SMARCB1: variants seen among roughly 807,000 people sequenced by gnomAD.
SMARCB1 encodes the protein SWI/SNF related BAF chromatin remodeling complex subunit B1.
In SMARCB1, 5 loss-of-function variants were observed where a neutral mutation model predicts 49.0. The ratio of observed to expected loss-of-function variants is 0.10; its 90% CI spans 0.05 to 0.21. The LOEUF (loss-of-function observed/expected upper bound fraction) is 0.21. SMARCB1 is among the 10% of genes least tolerant of loss of function. The pLI, the probability that SMARCB1 is intolerant of heterozygous loss-of-function variation, is 1.00. For missense variants in SMARCB1, 226 were observed against 509.2 expected, an observed-to-expected ratio of 0.44 and a Z score of 5.35; for synonymous variants, 201 against 200.1, an observed-to-expected ratio of 1.00 and a Z score of -0.04.
In SMARCB1 at chr22:23,813,145, G is replaced by A. The variant is rs35609719; in HGVS notation, c.629-3625G>A. 8.0e-4 allele frequency among the ~76,000 whole-genome samples: 122 copies of A among 152,284 alleles called. 3 individuals are homozygous for A. The East Asian group carries it at 0.021, about 26-fold the overall frequency. On this transcript the variant is annotated intron_variant, in intron 5 of 8. Transcript: ENST00000644036. Reference sequence around the variant, plus strand: ...CTCCCAAAGTGCTGGGATTACAGGCGTGAGCCACAGAGCCTGGCCTTCTGT... The same window carrying A: ...CTCCCAAAGTGCTGGGATTACAGGCATGAGCCACAGAGCCTGGCCTTCTGT...
intron 4 of SMARCB1, chr22:23,803,039 GTGT>G (rs1929264388): frequency 3.5e-6 from 2 of 572,866 alleles, no homozygotes; most frequent in East Asian, 3.0e-5. Flanking sequence ...GGATGTCTGG[GTGT>G]TGTTCCAACA....
chr22:23,821,612 A>G (rs958546010), intron 6 of SMARCB1, among the ~76,000 whole-genome samples: 2 of 151,978 alleles, frequency 1.3e-5, no homozygotes, highest in African/African-American at 4.8e-5. Context: ...GACTTTGGAG[A>G]GCTGAGGTGG....
chr22:23,837,848 C>A lies in SMARCB1; in HGVS notation c.*3668C>A. The A allele has an allele frequency of 6.2e-7, 1 of 1,611,214 alleles. No individual in the cohort carries two copies. Reference sequence around the variant, plus strand: ...AGGAAGAACAGGCTGCCCAGGAGTCCCAGCAGCTGGGCCAGAGTCAAGGTG... The same window carrying A: ...AGGAAGAACAGGCTGCCCAGGAGTCACAGCAGCTGGGCCAGAGTCAAGGTG... On this transcript the variant is annotated 3_prime_UTR_variant, in exon 9 of 9. Transcript: ENST00000644036.
Position 23,836,530 on chromosome 22 carries a change from CACCTGTGAGCTCAAAAGCTCTGCCTGGCA to C in SMARCB1, c.*2366_*2394del, listed in dbSNP as rs879842005. The C allele has an allele frequency of 8.6e-6, 9 of 1,044,568 alleles. No individual in the cohort carries two copies. In the African/African-American group the frequency reaches 1.0e-4, roughly 12 times the overall value. 64.7% of individuals were successfully genotyped at this position (1,044,568 alleles called of 1,614,324 possible). ...GCCAGGATGAGAACCCTGAGCCTGTCACCTGTGAGCTCAAAAGCTCTGCCTGGCAACCTGTGAGCTCAAAGCTCTGCCAG... is the reference window on the plus strand; with the variant it reads ...GCCAGGATGAGAACCCTGAGCCTGTCACCTGTGAGCTCAAAGCTCTGCCAG... On this transcript the variant is annotated 3_prime_UTR_variant, in exon 9 of 9. Coordinates refer to ENST00000644036, the MANE Select transcript of SMARCB1 (RefSeq NM_003073.5).
Position 23,835,864 on chromosome 22 carries a change from TC to T in SMARCB1, c.*1685del, listed in dbSNP as rs200643222. 111,362 of 973,396 alleles carry T rather than the reference TC, an allele frequency of 0.11. 6,363 individuals carry two copies. The highest frequency in any genetic ancestry group is 0.2 in the South Asian group (3,688 of 18,098). The allele number at this position is 973,396 out of a possible 1,614,324, so 60.3% of individuals were successfully genotyped here. A position where few individuals can be genotyped will look rare whatever the true frequency, so the allele number is the denominator to read the frequency against. On this transcript the variant is annotated 3_prime_UTR_variant, in exon 9 of 9. Coordinates refer to ENST00000644036, the MANE Select transcript of SMARCB1 (RefSeq NM_003073.5). ...GGGAGGTGCCGGGAAGGCTGGGCCC[TC>T]ACTCCTGACCGCCAGCTCACACCGC...
At chr22:23,803,753 G>C in intron 5 of SMARCB1, 1 of 407,258 alleles carries the variant, frequency 2.5e-6, no homozygotes, top group South Asian at 2.1e-5. Flanking sequence ...GCACACACCT[G>C]CCTTGGGTCC....
Position 23,837,613 on chromosome 22 carries a change from G to C in SMARCB1, c.*3433G>C. 1 of 1,585,438 alleles carries C rather than the reference G, an allele frequency of 6.3e-7. No homozygotes were observed. The highest frequency in any genetic ancestry group is 8.6e-7 in the Non-Finnish European group (1 of 1,161,988). Reference sequence around the variant, plus strand: ...CCAGGGCATAAGCAGCGTGTCCTGAGGGGAGTGGCCAGCCTGGGGCGGACT... The same window carrying C: ...CCAGGGCATAAGCAGCGTGTCCTGACGGGAGTGGCCAGCCTGGGGCGGACT... On this transcript the variant is annotated 3_prime_UTR_variant, in exon 9 of 9. Transcript: ENST00000644036.
At position 23,836,990 on chromosome 22, in the gene SMARCB1, AGGCCAGCACAGGTCCCCAT is replaced by A; in HGVS notation, c.*2811_*2829del. 1.9e-6 allele frequency: 3 copies of A among 1,600,612 alleles called. No individual in the cohort carries two copies. Among genetic ancestry groups the A allele is most frequent in the Non-Finnish European group, 2.6e-6 (3 of 1,173,214 alleles). ...GTGGGGAGGGGCCCGTGTTGAGCAC[AGGCCAGCACAGGTCCCCAT>A]CGGTGGGGATCCTTCTGAGGGTGGG... On this transcript the variant is annotated 3_prime_UTR_variant, in exon 9 of 9. Coordinates refer to ENST00000644036, the MANE Select transcript of SMARCB1 (RefSeq NM_003073.5).
intron 6 of SMARCB1, among the ~76,000 whole-genome samples, chr22:23,820,102 A>G (rs116400840): frequency 0.12 from 18,826 of 151,850 alleles, 1,257 homozygotes; most frequent in South Asian, 0.27. Flanking sequence ...AGGATTATAG[A>G]CGTGAGCCAC....
chr22:23,787,081 G>T lies in SMARCB1; in HGVS notation c.-89G>T. On this transcript the variant is annotated 5_prime_UTR_variant, in exon 1 of 9. Coordinates refer to ENST00000644036, the MANE Select transcript of SMARCB1 (RefSeq NM_003073.5). ...GGTCCGCATTTCGCCTTCCGGCTTC[G>T]GTTTCCCTCGGCCCAGCACGCCCCG... 1.2e-6 allele frequency: 1 copy of T among 853,170 alleles called. No homozygotes were observed. Among genetic ancestry groups the T allele is most frequent in the Non-Finnish European group, 1.9e-6 (1 of 519,500 alleles). 52.8% of individuals were successfully genotyped at this position (853,170 alleles called of 1,614,324 possible).
intron 4 of SMARCB1, chr22:23,801,662 GTGGCCTTCTC>G (rs1310372580): frequency 2.8e-5 from 9 of 316,416 alleles, no homozygotes; most frequent in Middle Eastern, 2.3e-3. Context: ...CTGTGGTCAC[GTGGCCTTCTC>G]TGCATGAAAC....
At chr22:23,827,480 A>G (rs1398578570) in intron 7 of SMARCB1, among the ~76,000 whole-genome samples, 1 of 152,176 alleles carries the variant, frequency 6.6e-6, no homozygotes, top group Non-Finnish European at 1.5e-5. Context: ...CAGGATTTAG[A>G]GGCAGAGGCG....
chr22:23,835,706 T>A lies in SMARCB1; in HGVS notation c.*1526T>A. The A allele has an allele frequency of 1.0e-6, 1 of 985,492 alleles. No homozygotes were observed. 61.0% of individuals were successfully genotyped at this position (985,492 alleles called of 1,614,324 possible). ...CTTAGACATGAACAGGTTTCATTGC[T>A]GAGGTGTTTGTTCTGTCCATGAGGT... On this transcript the variant is annotated 3_prime_UTR_variant, in exon 9 of 9. Coordinates refer to ENST00000644036, the MANE Select transcript of SMARCB1 (RefSeq NM_003073.5).
intron 7 of SMARCB1, among the ~76,000 whole-genome samples, chr22:23,829,538 G>A (rs1376947536): frequency 6.6e-6 from 1 of 152,194 alleles, no homozygotes; most frequent in East Asian, 1.9e-4. Context: ...CCCTCTGATG[G>A]CACAGCATCA....
At chr22:23,805,967 T>A (rs1160243018) in intron 5 of SMARCB1, among the ~76,000 whole-genome samples, 1 of 152,140 alleles carries the variant, frequency 6.6e-6, no homozygotes, top group Non-Finnish European at 1.5e-5. Flanking sequence ...AAGCTTACCA[T>A]AAGTACACTG....
chr22:23,825,562 C>G, intron 7 of SMARCB1, 147 bp downstream of exon 7: 1 of 687,356 alleles, frequency 1.5e-6, no homozygotes. Flanking sequence ...GCTCCGTCCT[C>G]CTCCTGCCCT....
intron 5 of SMARCB1, among the ~76,000 whole-genome samples, chr22:23,810,546 AAG>A (rs1555878309): frequency 4.7e-4 from 70 of 147,376 alleles, no homozygotes; most frequent in Middle Eastern, 3.5e-3. Context: ...AAAAAAAAAA[AAG>A]AAAGAAAGGA....
intron 5 of SMARCB1, chr22:23,816,188 C>T (rs1373101796): frequency 1.2e-5 from 2 of 166,880 alleles, no homozygotes; most frequent in East Asian, 1.6e-4. Context: ...GTCTGGCTGG[C>T]CACAGATGGT....
At chr22:23,822,309 C>T (rs908315891) in intron 6 of SMARCB1, among the ~76,000 whole-genome samples, 2 of 152,210 alleles carry the variant, frequency 1.3e-5, no homozygotes, top group Admixed American at 6.5e-5. Context: ...GTGGCACTGT[C>T]CAGGCCCCGT....
Sources: gnomAD v4.1 joint callset for allele counts (sites outside exome capture counted in the v4.1 genomes callset) on GRCh38, gnomAD v4.1.1 for gene constraint, MANE v1.5 for transcripts, NCBI Gene and HGNC (gene_info 2026-07-23, HGNC 2026-07-21) for gene names.